The following ULK1 variants were observed in gnomAD, a reference collection of about 807,000 sequenced individuals.
ULK1 encodes serine/threonine-protein kinase ULK1.
ULK1 carries 48 observed loss-of-function variants against 117.5 expected under a neutral mutation model. The observed-to-expected ratio is 0.41, with a 90% CI of 0.32 to 0.52. ULK1 has a LOEUF of 0.52. Among genes scored for constraint, ULK1 ranks in the 20% least tolerant of loss-of-function variants. The pLI is 0.29. For missense variants in ULK1, 1,387 were observed against 1,473.4 expected, an observed-to-expected ratio of 0.94 and a Z score of 0.96; for synonymous variants, 790 against 637.8, an observed-to-expected ratio of 1.24 and a Z score of -3.60.
chr12:131,914,476 C>G lies in ULK1; in HGVS notation c.1372C>G (p.Arg458Gly). The change falls in exon 16 of 28, where the codon CGG becomes GGG. Residue 458 changes from arginine (R) to glycine (G), a missense_variant and splice_region_variant. Transcript: ENST00000321867. ...LQSPTQFQTP[R>G]SSAIRRSGST... The stretch of plus-strand genomic sequence containing the variant: ...GTCACCCACCCAGTTCCAAACACCT[C>G]GGTGAGTGTGGAGCCCCCAGGTAGC... 6.2e-7 allele frequency: 1 copy of G among 1,612,046 alleles called. No homozygotes were observed. Among genetic ancestry groups the G allele is most frequent in the Non-Finnish European group, 8.5e-7 (1 of 1,179,502 alleles).
intron 23 of ULK1, 95 bp from the exon 24 acceptor site, chr12:131,919,117 C>A: frequency 7.1e-7 from 1 of 1,415,994 alleles, no homozygotes; most frequent in Non-Finnish European, 9.3e-7. Flanking sequence ...GGTACCCTGC[C>A]CTGCCTCCCC....
At chr12:131,913,328 T>C (rs950636290) in intron 14 of ULK1, 70 bp downstream of exon 14, 60 of 1,427,454 alleles carry the variant, frequency 4.2e-5, no homozygotes, top group Non-Finnish European at 5.4e-5. Flanking sequence ...GCCCGTGTTA[T>C]TTACAATGAG....
intron 14 of ULK1, 150 bp from the exon 15 acceptor site, chr12:131,913,597 C>T (rs12227122): frequency 4.9e-5 from 27 of 554,732 alleles, no homozygotes; most frequent in Admixed American, 2.1e-4. Flanking sequence ...CCCAGCTACT[C>T]GGGAGGCTGA....
In ULK1 at chr12:131,895,617, T is replaced by C; in HGVS notation, c.128T>C (p.Val43Ala). The C allele has an allele frequency of 6.2e-7, 1 of 1,613,422 alleles. No individual in the cohort carries two copies. ...GGCTTTCAGAAGCACGATTTGGAGG[T>C]CGCCGTCAAGTGCATTAACAAGAAG... ...GRHREKHDLE[V>A]AVKCINKKNL... The change falls in exon 2 of 28, where the codon GTC (valine) becomes GCC (alanine). Residue 43 changes from valine (V) to alanine (A), a missense_variant. This residue lies in a region of ULK1 where 224 missense variants were observed against 325.2 expected (regional missense o/e 0.69). Coordinates refer to ENST00000321867, the MANE Select transcript of ULK1 (RefSeq NM_003565.4).
At chr12:131,899,885 T>G (rs557855529) in intron 3 of ULK1, among the ~76,000 whole-genome samples, 2 of 152,286 alleles carry the variant, frequency 1.3e-5, no homozygotes, top group African/African-American at 4.8e-5. Flanking sequence ...TTTGGGAGGC[T>G]GAGGCGGGTG....
chr12:131,915,429 C>T lies in ULK1; in HGVS notation c.1609+8C>T. The stretch of plus-strand genomic sequence containing the variant: ...GCAGGTCCCCTCGTCCAGGTGGGTG[C>T]AGTCCGGAGGGGGGAGGGGGTGCTA... On this transcript the variant is annotated splice_region_variant and intron_variant, in intron 18 of 27. Transcript: ENST00000321867. The T allele has an allele frequency of 2.5e-6, 4 of 1,611,912 alleles. No homozygotes were observed. Among genetic ancestry groups the T allele is most frequent in the Non-Finnish European group, 3.4e-6 (4 of 1,179,820 alleles).
intron 23 of ULK1, 113 bp from the exon 24 acceptor site, chr12:131,919,099 C>T: frequency 1.8e-5 from 22 of 1,248,804 alleles, no homozygotes; most frequent in Non-Finnish European, 2.4e-5. Context: ...CGGGCTGCAG[C>T]AGGGGAGGGT....
At chr12:131,920,497 C>A (rs1890106110) in intron 26 of ULK1, 1 of 272,742 alleles carries the variant, frequency 3.7e-6, no homozygotes. Flanking sequence ...CAGGTGGTAC[C>A]ACGGGCAAAG....
At position 131,916,389 on chromosome 12, in the gene ULK1, T is replaced by C. The variant is rs1889784220; in HGVS notation, c.1879-9T>C. The C allele has an allele frequency of 1.3e-6, 2 of 1,556,298 alleles. No homozygotes were observed. The highest frequency in any genetic ancestry group is 2.7e-5 in the African/African-American group (2 of 72,934). ...CGGGGCAGTCTTCACCCCATCTCTG[T>C]CCTCCTAGGCTGTGCCCTCCTTTGA... is the stretch of plus-strand genomic sequence containing the variant. On this transcript the variant is annotated splice_polypyrimidine_tract_variant and intron_variant, in intron 19 of 27. Coordinates refer to ENST00000321867, the MANE Select transcript of ULK1 (RefSeq NM_003565.4).
At chr12:131,920,510 TC>T (rs1890106673) in intron 26 of ULK1, 1 of 255,366 alleles carries the variant, frequency 3.9e-6, no homozygotes, top group Non-Finnish European at 7.6e-6. Context: ...GGGCAAAGAC[TC>T]CCTGCTTGGG....
Position 131,921,820 on chromosome 12 carries a change from T to A in ULK1, c.*459T>A. The A allele has an allele frequency of 1.0e-5, 5 of 478,944 alleles. No individual in the cohort carries two copies. The highest frequency in any genetic ancestry group is 7.7e-5 in the South Asian group (5 of 64,734). The allele number at this position is 478,944 out of a possible 1,614,324, so 29.7% of individuals were successfully genotyped here. Reference sequence around the variant, plus strand: ...TCTCCCTCCGAGATACCCACCCAGCTTTGTCAATCACCCAAGCACTTTATG... The same window carrying A: ...TCTCCCTCCGAGATACCCACCCAGCATTGTCAATCACCCAAGCACTTTATG... On this transcript the variant is annotated 3_prime_UTR_variant, in exon 28 of 28. Coordinates refer to ENST00000321867, the MANE Select transcript of ULK1 (RefSeq NM_003565.4).
At chr12:131,905,821 G>A (rs1222752311) in intron 3 of ULK1, among the ~76,000 whole-genome samples, 1 of 152,166 alleles carries the variant, frequency 6.6e-6, no homozygotes, top group Non-Finnish European at 1.5e-5. Context: ...TGGGGTGTGT[G>A]CTGTGTCTGC....
chr12:131,919,600 G>A lies in ULK1; in HGVS notation c.2803+10G>A. 4 of 1,610,294 alleles carry A rather than the reference G, an allele frequency of 2.5e-6. No individual in the cohort carries two copies. The highest frequency in any genetic ancestry group is 3.4e-6 in the Non-Finnish European group (4 of 1,179,200). ...TCCACTGTGAAGCAGGGTGAGGGCTGCGACCGCTCAGCCCACATGCCGGGT... is the reference window on the plus strand; with the variant it reads ...TCCACTGTGAAGCAGGGTGAGGGCTACGACCGCTCAGCCCACATGCCGGGT... On this transcript the variant is annotated intron_variant, in intron 25 of 27. Transcript: ENST00000321867.
At chr12:131,895,743 C>T (rs1888839638) in intron 2 of ULK1, 40 bp from the exon 3 acceptor site, 3 of 1,613,602 alleles carry the variant, frequency 1.9e-6, no homozygotes, top group Non-Finnish European at 2.5e-6. Context: ...GGGCAAGCCC[C>T]CCTCCCCACA....
intron 20 of ULK1, 54 bp downstream of exon 20, chr12:131,916,645 C>T: frequency 2.1e-6 from 3 of 1,459,788 alleles, no homozygotes; most frequent in South Asian, 2.7e-5. Flanking sequence ...CCTCTTTCCC[C>T]TGCATTGTTC....
chr12:131,919,716 GGGGCCTGGCCCAGTGTGCAGAGCA>G lies in ULK1; in HGVS notation c.2803+127_2803+150del, dbSNP rs1429501865. Reference sequence around the variant, plus strand: ...CCCTGTGCAGAGGTGCAGAGGCCCCGGGGCCTGGCCCAGTGTGCAGAGCACAGAGGCCATTGGGTCGGACAGCAC... The same window carrying G: ...CCCTGTGCAGAGGTGCAGAGGCCCCGCAGAGGCCATTGGGTCGGACAGCAC... On this transcript the variant is annotated intron_variant, in intron 25 of 27. Coordinates refer to ENST00000321867, the MANE Select transcript of ULK1 (RefSeq NM_003565.4). The G allele has an allele frequency of 4.3e-6, 5 of 1,149,540 alleles. No homozygotes were observed. The African/African-American group carries it at 7.6e-5, about 17-fold the overall frequency. The allele number at this position is 1,149,540 out of a possible 1,614,324, so 71.2% of individuals were successfully genotyped here.
intron 8 of ULK1, 64 bp downstream of exon 8, chr12:131,909,301 C>T: frequency 6.7e-7 from 1 of 1,484,818 alleles, no homozygotes. Context: ...CAGCTGCGGT[C>T]AGACGCCCCC....
intron 11 of ULK1, 147 bp from the exon 12 acceptor site, chr12:131,910,565 C>A: frequency 6.6e-7 from 1 of 1,510,812 alleles, no homozygotes; most frequent in Non-Finnish European, 9.0e-7. Flanking sequence ...TAGGGTGGCC[C>A]AGGAGGGAGC....
chr12:131,910,992 C>T (rs1384757349), intron 12 of ULK1, among the ~76,000 whole-genome samples, 192 bp downstream of exon 12: 1 of 152,238 alleles, frequency 6.6e-6, no homozygotes, highest in Non-Finnish European at 1.5e-5. Context: ...ACCCACAGCC[C>T]TCAGGTCCCA....
Sources: allele counts gnomAD v4.1 joint callset (sites outside exome capture counted in the v4.1 genomes callset), GRCh38; gene constraint gnomAD v4.1.1; regional missense constraint gnomAD v4.1.1; transcripts MANE v1.5; gene names NCBI Gene and HGNC (gene_info 2026-07-23, HGNC 2026-07-21).